MYL2: variants seen among roughly 807,000 people sequenced by gnomAD.
MYL2 encodes the protein myosin light chain 2.
In MYL2, 19 loss-of-function variants were observed where a neutral mutation model predicts 23.0. That is an observed-to-expected ratio of 0.83 (90% CI 0.58 to 1.21). The LOEUF (loss-of-function observed/expected upper bound fraction) is 1.21, where lower values mean the gene tolerates loss of function less well. Among genes scored for constraint, MYL2 ranks in the 50% most tolerant of loss-of-function variants. The pLI is 0.00. For synonymous variants in MYL2, 78 were observed against 76.2 expected (o/e 1.02, Z -0.13); for missense variants, 180 against 215.1 (o/e 0.84, Z 1.02).
upstream of MYL2, among the ~76,000 whole-genome samples, chr12:110,921,427 A>G (rs1159985816): frequency 6.6e-6 from 1 of 152,214 alleles, no homozygotes; most frequent in Admixed American, 6.5e-5. Context: ...TTCTCTGCAC[A>G]GCGTGAGGCA....
At chr12:110,911,789 G>T (rs147001517) in intron 6 of MYL2, among the ~76,000 whole-genome samples, 11 of 152,346 alleles carry the variant, frequency 7.2e-5, no homozygotes, top group Admixed American at 2.0e-4. Context: ...AGGGTCCAGG[G>T]TGTCAGAAAT....
chr12:110,913,373 CT>C, intron 4 of MYL2, 49 bp from the exon 5 acceptor site: 1 of 1,604,488 alleles, frequency 6.2e-7, no homozygotes, highest in Non-Finnish European at 8.5e-7. Context: ...CTGGGAACCA[CT>C]GGCACCCCAG....
At chr12:110,911,246 GC>G in intron 6 of MYL2, 71 bp from the exon 7 acceptor site, 10 of 458,840 alleles carry the variant, frequency 2.2e-5, no homozygotes, top group Admixed American at 9.8e-5. Flanking sequence ...GGGGCTGTGG[GC>G]GGGGCCTGAG....
chr12:110,916,479 A>G (rs954333389), intron 2 of MYL2, among the ~76,000 whole-genome samples: 1 of 152,276 alleles, frequency 6.6e-6, no homozygotes, highest in Admixed American at 6.5e-5. Flanking sequence ...ACAATGGAAT[A>G]TTATTCAGCC....
At chr12:110,915,203 T>C (rs2071680846) in intron 3 of MYL2, among the ~76,000 whole-genome samples, 1 of 152,020 alleles carries the variant, frequency 6.6e-6, no homozygotes, top group African/African-American at 2.4e-5. Context: ...AGGTCAGGAG[T>C]AAGTGGTGGT....
At chr12:110,917,807 G>GGTGTA (rs983438019) in intron 2 of MYL2, among the ~76,000 whole-genome samples, 1 of 152,126 alleles carries the variant, frequency 6.6e-6, no homozygotes, top group African/African-American at 2.4e-5. Flanking sequence ...ACTAGGGCAG[G>GGTGTA]GTGTAGTGGC....
At position 110,918,737 on chromosome 12, in the gene MYL2, A is replaced by C. The variant is rs1215356716; in HGVS notation, c.93+367T>G. On this transcript the variant is annotated intron_variant, in intron 2 of 6. Coordinates refer to ENST00000228841, the MANE Select transcript of MYL2 (RefSeq NM_000432.4). The surrounding 1 kb of genome is among the most constrained non-coding windows in gnomAD (Gnocchi z 4.4). ...TGCAGGTGTAATCAGTGGGCACAGA[A>C]GATTATAATTTTGTTTAATAAATAT... 1.0e-5 allele frequency: 2 copies of C among 195,258 alleles called. No homozygotes were observed. The highest frequency in any genetic ancestry group is 4.7e-5 in the African/African-American group (2 of 42,390). 12.1% of individuals were successfully genotyped at this position (195,258 alleles called of 1,614,324 possible). A position where few individuals can be genotyped will look rare whatever the true frequency, so the allele number is the denominator to read the frequency against.
At chr12:110,915,001 G>A (rs1354607785) in intron 3 of MYL2, among the ~76,000 whole-genome samples, 1 of 152,184 alleles carries the variant, frequency 6.6e-6, no homozygotes. Context: ...ACCCACAGCC[G>A]TGGAGGTTCT....
rs587781090 is a variant in MYL2 at position 110,914,171 on chromosome 12, C to G, written c.274+15G>C. On this transcript the variant is annotated intron_variant, in intron 4 of 6. Transcript: ENST00000228841. ...ACACATACACACAGACACACACACACACACACGACCTTACCCTTAAGTTTC... is the reference window on the plus strand; with the variant it reads ...ACACATACACACAGACACACACACAGACACACGACCTTACCCTTAAGTTTC... The G allele has an allele frequency of 3.2e-6, 5 of 1,583,000 alleles. No homozygotes were observed. Among genetic ancestry groups the G allele is most frequent in the Non-Finnish European group, 4.3e-6 (5 of 1,151,578 alleles).
chr12:110,915,262 C>T (rs991958213), intron 3 of MYL2, among the ~76,000 whole-genome samples: 4 of 152,152 alleles, frequency 2.6e-5, no homozygotes, highest in Non-Finnish European at 4.4e-5. Context: ...TCCATGTACT[C>T]ATGCTCACAC....
In MYL2 at chr12:110,919,120, A is replaced by G; in HGVS notation, c.77T>C (p.Ile26Thr). ...TGCACCCACCTCCTTAAATTCCTGG[A>G]TTTGGGTCTGTTCGAACATGGAGAA... ...NVFSMFEQTQ[I>T]QEFKEAFTIM... Residue 26 changes from isoleucine (I) to threonine (T), a missense_variant, in exon 2 of 7, where the codon ATC (isoleucine) becomes ACC (threonine). Transcript: ENST00000228841. 1 of 1,613,924 alleles carries G rather than the reference A, an allele frequency of 6.2e-7. No homozygotes were observed. Among genetic ancestry groups the G allele is most frequent in the Non-Finnish European group, 8.5e-7 (1 of 1,179,996 alleles).
chr12:110,920,852 G>A (rs1334037763), upstream of MYL2: 1 of 487,972 alleles, frequency 2.0e-6, no homozygotes, highest in African/African-American at 1.9e-5. Flanking sequence ...ACTTGTGCTT[G>A]TCAATTTTGA....
intron 1 of MYL2, among the ~76,000 whole-genome samples, chr12:110,920,029 A>G (rs904390785): frequency 3.3e-5 from 5 of 152,198 alleles, no homozygotes; most frequent in Admixed American, 2.0e-4. Flanking sequence ...TTCTGACTCC[A>G]GAGTTCCTGC....
Position 110,915,675 on chromosome 12 carries a change from A to G in MYL2, c.169+40T>C, listed in dbSNP as rs768283632. On this transcript the variant is annotated intron_variant, in intron 3 of 6. Coordinates refer to ENST00000228841, the MANE Select transcript of MYL2 (RefSeq NM_000432.4). ...ACCTCCTGCTCCTCATGGATGTGAG[A>G]TAAAGAGACCCTCATGCAGGGCTAG... 6 of 1,592,328 alleles carry G rather than the reference A, an allele frequency of 3.8e-6. No individual in the cohort carries two copies. In the South Asian group the frequency reaches 6.6e-5, roughly 18 times the overall value.
chr12:110,916,433 A>G (rs973719840), intron 2 of MYL2, among the ~76,000 whole-genome samples: 3 of 152,226 alleles, frequency 2.0e-5, no homozygotes, highest in Non-Finnish European at 4.4e-5. Flanking sequence ...ATGTCCATCA[A>G]CTGATGAATG....
chr12:110,911,220 CTGAGA>C, intron 6 of MYL2, 45 bp from the exon 7 acceptor site: 1 of 666,944 alleles, frequency 1.5e-6, no homozygotes, highest in Non-Finnish European at 2.4e-6. Flanking sequence ...GGGAGGGGAA[CTGAGA>C]CGGAGGGTGG....
At position 110,911,021 on chromosome 12, in the gene MYL2, T is replaced by A. The variant is rs2071646325; in HGVS notation, c.*56A>T. 1 of 1,458,544 alleles carries A rather than the reference T, an allele frequency of 6.9e-7. No homozygotes were observed. The highest frequency in any genetic ancestry group is 1.4e-5 in the African/African-American group (1 of 71,754). 90.4% of individuals were successfully genotyped at this position (1,458,544 alleles called of 1,614,324 possible). ...AGAGGCGGTACTCGGGGGAGAGAGATGAGGGCAGGGACCACTCTGCAAAGA... is the reference window on the plus strand; with the variant it reads ...AGAGGCGGTACTCGGGGGAGAGAGAAGAGGGCAGGGACCACTCTGCAAAGA... On this transcript the variant is annotated 3_prime_UTR_variant, in exon 7 of 7. Transcript: ENST00000228841.
chr12:110,913,743 G>A (rs1470953298), intron 4 of MYL2, among the ~76,000 whole-genome samples: 4 of 152,142 alleles, frequency 2.6e-5, no homozygotes, highest in Non-Finnish European at 5.9e-5. Flanking sequence ...GTTAGTTGCT[G>A]TGTTTTTGTT....
rs199567559 is a variant in MYL2 at position 110,911,145 on chromosome 12, C to T, written c.433G>A (p.Asp145Asn). The T allele has an allele frequency of 3.2e-5, 52 of 1,612,276 alleles. No homozygotes were observed. Among genetic ancestry groups the T allele is most frequent in the Non-Finnish European group, 4.2e-5 (49 of 1,179,572 alleles). ...VDQMFAAFPP[D>N]VTGNLDYKNL... ...TTGTAGTCCAAGTTGCCAGTCACGT[C>T]AGGGGGGAAGGCGGCGAACATCTGG... is the stretch of plus-strand genomic sequence containing the variant. The change falls in exon 7 of 7, where the codon GAC becomes AAC. Residue 145 changes from aspartate to asparagine, a missense_variant. By Grantham distance (23) the Asp-to-Asn change is conservative. Transcript: ENST00000228841.
Sources: gnomAD v4.1 joint callset for allele counts (sites outside exome capture counted in the v4.1 genomes callset) on GRCh38, gnomAD v4.1.1 for gene constraint, Gnocchi (gnomAD v3.1) non-coding constraint, MANE v1.5 for transcripts, NCBI Gene and HGNC (gene_info 2026-07-23, HGNC 2026-07-21) for gene names.